Variants in PARN observed in about 807,000 individuals in gnomAD.
PARN encodes the protein poly(A)-specific ribonuclease PARN.
In PARN, 71 loss-of-function variants were observed where a neutral mutation model predicts 102.8. The ratio of observed to expected loss-of-function variants is 0.69; its 90% CI spans 0.57 to 0.84. The LOEUF (loss-of-function observed/expected upper bound fraction) is 0.84, where lower values mean the gene tolerates loss of function less well. Ranked by LOEUF, PARN falls within the 40% of genes least tolerant of loss-of-function variation. PARN has a pLI of 0.00. For synonymous variants in PARN, 261 were observed against 252.9 expected (o/e 1.03, Z -0.30); for missense variants, 782 against 760.9 (o/e 1.03, Z -0.33).
At chr16:14,616,514 G>A (rs1326989395) in intron 6 of PARN, among the ~76,000 whole-genome samples, 1 of 152,260 alleles carries the variant, frequency 6.6e-6, no homozygotes, top group African/African-American at 2.4e-5. Context: ...GGGAGGCCAA[G>A]GCAGGTGGAT....
At chr16:14,443,977 G>A (rs891661341) in intron 23 of PARN, among the ~76,000 whole-genome samples, 2 of 152,086 alleles carry the variant, frequency 1.3e-5, no homozygotes, top group Admixed American at 6.5e-5. Context: ...CCAGACCTTC[G>A]CGGCTCCTGG....
At chr16:14,603,424 C>A (rs1970996975) in intron 11 of PARN, among the ~76,000 whole-genome samples, 1 of 152,102 alleles carries the variant, frequency 6.6e-6, no homozygotes, top group African/African-American at 2.4e-5. Flanking sequence ...CAAACCCACT[C>A]CTCTCTCCTC....
At chr16:14,512,584 GCTCA>G (rs1203170601) in intron 21 of PARN, among the ~76,000 whole-genome samples, 1 of 152,146 alleles carries the variant, frequency 6.6e-6, no homozygotes, top group Non-Finnish European at 1.5e-5. Flanking sequence ...TGAGGAGGAG[GCTCA>G]CTGTCTTGCT....
intron 21 of PARN, among the ~76,000 whole-genome samples, chr16:14,534,668 T>C (rs1451707585): frequency 6.6e-6 from 1 of 152,186 alleles, no homozygotes; most frequent in South Asian, 2.1e-4. Flanking sequence ...TGTCTTTCTG[T>C]GTTCCTTTAC....
At chr16:14,577,947 C>T (rs1969249646) in intron 18 of PARN, among the ~76,000 whole-genome samples, 1 of 151,990 alleles carries the variant, frequency 6.6e-6, no homozygotes, top group African/African-American at 2.4e-5. Context: ...GGATTACAGA[C>T]ATAGGCCAAC....
intron 3 of PARN, among the ~76,000 whole-genome samples, chr16:14,627,737 C>T (rs1972764381): frequency 6.6e-6 from 1 of 152,154 alleles, no homozygotes; most frequent in African/African-American, 2.4e-5. Flanking sequence ...CCTGTAATCC[C>T]AGCACTTTGG....
intron 22 of PARN, among the ~76,000 whole-genome samples, chr16:14,477,946 T>C (rs996654020): frequency 6.6e-6 from 1 of 152,138 alleles, no homozygotes; most frequent in African/African-American, 2.4e-5. Flanking sequence ...AGGATAATAC[T>C]TCATAGCCAA....
intron 23 of PARN, 99 bp from the exon 24 acceptor site, chr16:14,436,871 C>G (rs1301662574): frequency 1.2e-6 from 1 of 852,334 alleles, no homozygotes; most frequent in Non-Finnish European, 1.9e-6. Flanking sequence ...CCTGTGACGG[C>G]TGCAGACGGG....
chr16:14,460,421 G>A (rs912792886), intron 22 of PARN, among the ~76,000 whole-genome samples: 2 of 152,180 alleles, frequency 1.3e-5, no homozygotes, highest in African/African-American at 2.4e-5. Flanking sequence ...TGCTTTGCAC[G>A]TAGTACAGGA....
In PARN at chr16:14,535,514, A is replaced by T. The variant is rs890413970; in HGVS notation, c.1480+16507T>A. 4.6e-5 allele frequency among the ~76,000 whole-genome samples: 7 copies of T among 152,242 alleles called. No individual in the cohort carries two copies. In the East Asian group the frequency reaches 1.2e-3, roughly 25 times the overall value. On this transcript the variant is annotated intron_variant, in intron 21 of 23. Coordinates refer to ENST00000437198, the MANE Select transcript of PARN (RefSeq NM_002582.4). The stretch of plus-strand genomic sequence containing the variant: ...TCAGAATAGCAGATTTAAACCAAAA[A>T]GTTGATGGAAAATTCAGAGAAACTA...
At chr16:14,479,482 A>G (rs1963261889) in intron 22 of PARN, among the ~76,000 whole-genome samples, 2 of 152,144 alleles carry the variant, frequency 1.3e-5, no homozygotes, top group Admixed American at 6.5e-5. Flanking sequence ...CGCCACAGTA[A>G]AAACTAAAAA....
chr16:14,542,208 G>A (rs1966845620), intron 21 of PARN, among the ~76,000 whole-genome samples: 1 of 151,676 alleles, frequency 6.6e-6, no homozygotes, highest in Admixed American at 6.6e-5. Context: ...GTCTCACTAT[G>A]TTGCCCAGGC....
intron 18 of PARN, among the ~76,000 whole-genome samples, chr16:14,556,639 G>A (rs750042407): frequency 6.6e-6 from 1 of 152,262 alleles, no homozygotes; most frequent in East Asian, 1.9e-4. Flanking sequence ...AAAGAGTCAA[G>A]GGAAAGTCCT....
chr16:14,524,144 G>A (rs1965878625), intron 21 of PARN, among the ~76,000 whole-genome samples: 1 of 152,170 alleles, frequency 6.6e-6, no homozygotes, highest in Non-Finnish European at 1.5e-5. Context: ...TCTAACCTGT[G>A]ATGTATTAAA....
chr16:14,493,910 C>T (rs563745691), intron 21 of PARN, among the ~76,000 whole-genome samples: 1 of 152,142 alleles, frequency 6.6e-6, no homozygotes, highest in Non-Finnish European at 1.5e-5. Context: ...ATTATTAAAG[C>T]CACCATTTAC....
intron 21 of PARN, among the ~76,000 whole-genome samples, chr16:14,507,922 C>T (rs556840883): frequency 6.6e-6 from 1 of 152,208 alleles, no homozygotes; most frequent in African/African-American, 2.4e-5. Flanking sequence ...GTTTAAACAA[C>T]CTGAGAACAT....
chr16:14,446,514 A>T (rs1198790442), intron 23 of PARN, among the ~76,000 whole-genome samples: 1 of 152,188 alleles, frequency 6.6e-6, no homozygotes. Flanking sequence ...GTTTTGCTGG[A>T]AACAGTGAAA....
rs751866970 is a variant in PARN at position 14,617,570 on chromosome 16, T to C, written c.388+20A>G. ...TTTGAAGGTTTATAAGCTCTAAAGATAGGTTACCCATAATCTTACCATTTC... is the reference window on the plus strand; with the variant it reads ...TTTGAAGGTTTATAAGCTCTAAAGACAGGTTACCCATAATCTTACCATTTC... On this transcript the variant is annotated intron_variant, in intron 6 of 23. Transcript: ENST00000437198. 3.3e-6 allele frequency: 4 copies of C among 1,218,512 alleles called. No individual in the cohort carries two copies. In the East Asian group the frequency reaches 7.0e-5, roughly 21 times the overall value. 75.5% of individuals were successfully genotyped at this position (1,218,512 alleles called of 1,614,324 possible).
intron 21 of PARN, among the ~76,000 whole-genome samples, chr16:14,535,262 C>CT (rs1966561953): frequency 6.6e-6 from 1 of 152,202 alleles, no homozygotes; most frequent in Non-Finnish European, 1.5e-5. Flanking sequence ...CAGGTCACCA[C>CT]TGCCATCAAT....
Sources: gnomAD v4.1 joint callset for allele counts (sites outside exome capture counted in the v4.1 genomes callset) on GRCh38, gnomAD v4.1.1 for gene constraint, MANE v1.5 for transcripts, NCBI Gene and HGNC (gene_info 2026-07-23, HGNC 2026-07-21) for gene names.